The following SPMIP8 variants were observed in gnomAD, a reference collection of about 807,000 sequenced individuals.
The protein encoded by SPMIP8 is testicular tissue protein Li 196.
At chr16:57,977,878 C>T in the SPMIP8 span, 45 of 1,614,172 alleles carry the variant, frequency 2.8e-5, no homozygotes, top group African/African-American at 3.6e-4. Flanking sequence ...TATGCCTCCC[C>T]GGCCATCCTG....
At chr16:57,983,570 A>G in the SPMIP8 span, among the ~76,000 whole-genome samples, 12 of 152,088 alleles carry the variant, frequency 7.9e-5, no homozygotes, top group Non-Finnish European at 1.5e-4. Flanking sequence ...TGCAAAGGTA[A>G]GATGTGAATA....
chr16:57,984,262 G>A, the SPMIP8 span: 4 of 1,607,580 alleles, frequency 2.5e-6, no homozygotes, highest in South Asian at 1.1e-5. Flanking sequence ...CTGACCACTG[G>A]TGAAGGAGAC....
the SPMIP8 span, chr16:57,984,317 G>T: frequency 6.2e-7 from 1 of 1,614,164 alleles, no homozygotes; most frequent in Non-Finnish European, 8.5e-7. Context: ...ATTTGACAAC[G>T]CCCATTTTAC....
chr16:57,985,901 T>C, the SPMIP8 span: 1 of 1,611,816 alleles, frequency 6.2e-7, no homozygotes, highest in Non-Finnish European at 8.5e-7. Context: ...CGCCCCGTTC[T>C]TTCCCAGGAA....
chr16:57,981,389 A>AATAATTATTATTATTATTATTATT, the SPMIP8 span, among the ~76,000 whole-genome samples: 26 of 132,910 alleles, frequency 2.0e-4, no homozygotes, highest in Non-Finnish European at 3.8e-4. Context: ...CAATAATAAT[A>AATAATTATTATTATTATTATTATT]ATAATTATTA....
chr16:57,986,136 G>A, the SPMIP8 span: 2 of 584,640 alleles, frequency 3.4e-6, no homozygotes, highest in Non-Finnish European at 5.4e-6. Context: ...GCCCACTGGG[G>A]TGGGGGTGGA....
At chr16:57,985,168 G>GGT in the SPMIP8 span, 1 of 1,476,502 alleles carries the variant, frequency 6.8e-7, no homozygotes, top group East Asian at 2.5e-5. Context: ...TCCTGGGGGG[G>GGT]GGCGGATGAG....
At chr16:57,982,961 C>A in the SPMIP8 span, among the ~76,000 whole-genome samples, 16 of 152,038 alleles carry the variant, frequency 1.1e-4, no homozygotes, top group African/African-American at 3.9e-4. Context: ...ACCTGGGTGG[C>A]GGAGGTTGCA....
At chr16:57,984,476 C>A in the SPMIP8 span, 1 of 1,528,202 alleles carries the variant, frequency 6.5e-7, no homozygotes. Flanking sequence ...TTGGGACTCC[C>A]GCTCCCCACA....
At chr16:57,985,531 T>C in the SPMIP8 span, 1 of 1,607,040 alleles carries the variant, frequency 6.2e-7, no homozygotes, top group Non-Finnish European at 8.5e-7. Context: ...CAGAAGCCCC[T>C]GCCTTTCGAC....
chr16:57,984,356 C>A, the SPMIP8 span: 4 of 1,614,238 alleles, frequency 2.5e-6, no homozygotes, highest in South Asian at 4.4e-5. Flanking sequence ...CAAACCCCTG[C>A]AGTGTTTGGT....
the SPMIP8 span, chr16:57,985,618 C>T: frequency 1.3e-6 from 2 of 1,509,258 alleles, no homozygotes; most frequent in South Asian, 1.3e-5. Flanking sequence ...GCTTTCCTAG[C>T]GCACAGGCAA....
the SPMIP8 span, among the ~76,000 whole-genome samples, chr16:57,981,118 C>T: frequency 1.3e-5 from 2 of 152,196 alleles, no homozygotes; most frequent in South Asian, 2.1e-4. Flanking sequence ...TGGCGGTTCA[C>T]GCCTGTAATT....
the SPMIP8 span, among the ~76,000 whole-genome samples, chr16:57,982,266 A>G: frequency 1.3e-5 from 2 of 152,190 alleles, no homozygotes; most frequent in African/African-American, 2.4e-5. Context: ...AATCTCCCCA[A>G]TTGCCCTCAA....
the SPMIP8 span, chr16:57,987,142 G>A: frequency 2.4e-6 from 1 of 411,970 alleles, no homozygotes; most frequent in African/African-American, 2.1e-5. Context: ...TTCACTAAAT[G>A]ATTGAAAAAT....
chr16:57,985,209 A>G, the SPMIP8 span: 5 of 1,532,120 alleles, frequency 3.3e-6, no homozygotes, highest in Non-Finnish European at 4.4e-6. Context: ...TTCGCAGCGG[A>G]GGGTCTCAGC....
At chr16:57,977,571 GTGTGTGTGTGTGTGTA>G in the SPMIP8 span, among the ~76,000 whole-genome samples, 1 of 137,308 alleles carries the variant, frequency 7.3e-6, no homozygotes, top group African/African-American at 3.3e-5. Context: ...GTGTGTGTGT[GTGTGTGTGTGTGTGTA>G]TGTGTGTGTT....
At chr16:57,977,691 A>G in the SPMIP8 span, 117 of 1,074,836 alleles carry the variant, frequency 1.1e-4, no homozygotes, top group Non-Finnish European at 1.5e-4. Context: ...CCTGGCACAC[A>G]GTAGGTGCTA....
chr16:57,987,549 C>A, the SPMIP8 span: 1 of 1,093,966 alleles, frequency 9.1e-7, no homozygotes, highest in Non-Finnish European at 1.2e-6. Context: ...TAGAAATAAA[C>A]CTAATGCTCC....
Sources: allele counts gnomAD v4.1 joint callset (sites outside exome capture counted in the v4.1 genomes callset), GRCh38; gene constraint gnomAD v4.1.1; transcripts MANE v1.5; gene names NCBI Gene and HGNC (gene_info 2026-07-23, HGNC 2026-07-21).